DCDC1: variants seen among roughly 807,000 people sequenced by gnomAD.
DCDC1 encodes doublecortin domain containing 1.
DCDC1 carries 200 observed loss-of-function variants against 178.3 expected under a neutral mutation model. The observed-to-expected ratio is 1.12, with a 90% CI of 1.00 to 1.26. The LOEUF (loss-of-function observed/expected upper bound fraction) is 1.26, where lower values mean the gene tolerates loss of function less well. Ranked by LOEUF, DCDC1 falls within the 50% of genes most tolerant of loss-of-function variation. DCDC1 has a pLI of 0.00. For missense variants in DCDC1, 1,983 were observed against 1,749.2 expected, an observed-to-expected ratio of 1.13 and a Z score of -2.38; for synonymous variants, 690 against 604.8, an observed-to-expected ratio of 1.14 and a Z score of -2.07.
intron 9 of DCDC1, among the ~76,000 whole-genome samples, chr11:31,201,662 G>GAA (rs1042408549): frequency 1.8e-5 from 2 of 109,068 alleles, no homozygotes; most frequent in Non-Finnish European, 4.0e-5. Context: ...GGGAAGGAAA[G>GAA]AAAAAAAAAA....
intron 21 of DCDC1, among the ~76,000 whole-genome samples, chr11:30,946,136 A>G (rs1200675203): frequency 6.6e-6 from 1 of 152,108 alleles, no homozygotes; most frequent in East Asian, 1.9e-4. Context: ...GTCCATATGG[A>G]GGTACTTGTG....
chr11:31,224,130 C>G, intron 9 of DCDC1, among the ~76,000 whole-genome samples: 1 of 152,022 alleles, frequency 6.6e-6, no homozygotes, highest in East Asian at 1.9e-4. Flanking sequence ...ATTCTGAGGC[C>G]TCCCCAGACA....
chr11:31,338,016 T>C (rs1950357667), intron 1 of DCDC1, among the ~76,000 whole-genome samples: 1 of 152,136 alleles, frequency 6.6e-6, no homozygotes, highest in Non-Finnish European at 1.5e-5. Flanking sequence ...TGCAGATCTG[T>C]TCAGCACTCC....
At chr11:31,355,793 T>C (rs1372298013) in intron 1 of DCDC1, among the ~76,000 whole-genome samples, 1 of 152,080 alleles carries the variant, frequency 6.6e-6, no homozygotes, top group Non-Finnish European at 1.5e-5. Flanking sequence ...GGTCTCGAGC[T>C]CCCGACCTCA....
At chr11:30,993,315 C>A (rs908046316) in intron 20 of DCDC1, among the ~76,000 whole-genome samples, 1 of 151,840 alleles carries the variant, frequency 6.6e-6, no homozygotes, top group African/African-American at 2.4e-5. Context: ...TCAGAGATTG[C>A]CCGTGTTATA....
intron 20 of DCDC1, among the ~76,000 whole-genome samples, chr11:30,983,378 A>G (rs1950485828): frequency 1.3e-5 from 2 of 152,224 alleles, no homozygotes; most frequent in East Asian, 1.9e-4. Context: ...CAATATTGCG[A>G]AATGAAAAAT....
chr11:31,365,000 G>T (rs1951889439), intron 1 of DCDC1, among the ~76,000 whole-genome samples: 1 of 152,076 alleles, frequency 6.6e-6, no homozygotes, highest in Non-Finnish European at 1.5e-5. Context: ...CTACGTATTA[G>T]TATACCTGCA....
chr11:30,887,364 GC>G (rs1162195643), intron 36 of DCDC1, among the ~76,000 whole-genome samples: 1 of 152,168 alleles, frequency 6.6e-6, no homozygotes, highest in Admixed American at 6.5e-5. Context: ...TACTTGCGAT[GC>G]TGTGATGCTT....
intron 21 of DCDC1, among the ~76,000 whole-genome samples, chr11:30,933,214 CTTT>C (rs1008203521): frequency 1.3e-5 from 2 of 151,468 alleles, no homozygotes. Context: ...ATATGCTCAC[CTTT>C]TTTTTCTTTT....
intron 20 of DCDC1, among the ~76,000 whole-genome samples, chr11:31,001,889 A>G (rs1951600253): frequency 6.6e-6 from 1 of 152,236 alleles, no homozygotes; most frequent in African/African-American, 2.4e-5. Flanking sequence ...AATCAGCAAC[A>G]GTTCATCCAT....
At chr11:31,108,245 A>G (rs937862849) in intron 12 of DCDC1, among the ~76,000 whole-genome samples, 1 of 152,214 alleles carries the variant, frequency 6.6e-6, no homozygotes, top group Admixed American at 6.5e-5. Flanking sequence ...GAAAGGCATT[A>G]ATACTTCCCA....
At chr11:30,954,732 T>C (rs1948668095) in intron 20 of DCDC1, among the ~76,000 whole-genome samples, 1 of 152,184 alleles carries the variant, frequency 6.6e-6, no homozygotes, top group Non-Finnish European at 1.5e-5. Context: ...GAGCAGTGCA[T>C]CACCCATAAT....
chr11:30,984,854 C>T (rs565921051), intron 20 of DCDC1, among the ~76,000 whole-genome samples: 35 of 152,210 alleles, frequency 2.3e-4, no homozygotes, highest in African/African-American at 6.3e-4. Context: ...TTGGAAACAA[C>T]GGGAGAAGAG....
At chr11:31,355,928 C>G (rs905676107) in intron 1 of DCDC1, among the ~76,000 whole-genome samples, 1 of 152,060 alleles carries the variant, frequency 6.6e-6, no homozygotes, top group Non-Finnish European at 1.5e-5. Context: ...CAGGGATGCT[C>G]CCAGGCTAGT....
At chr11:31,204,160 G>A (rs471211) in intron 9 of DCDC1, among the ~76,000 whole-genome samples, 90,584 of 152,010 alleles carry the variant, frequency 0.6, 27,425 homozygotes, top group East Asian at 0.93. Context: ...TATGAGTACT[G>A]TGAGCCAACC....
At chr11:31,242,222 A>G (rs537942174) in intron 8 of DCDC1, among the ~76,000 whole-genome samples, 10 of 152,068 alleles carry the variant, frequency 6.6e-5, no homozygotes, top group African/African-American at 2.2e-4. Flanking sequence ...AATATGAAAC[A>G]GTCAAGGATT....
intron 7 of DCDC1, among the ~76,000 whole-genome samples, chr11:31,272,269 C>T (rs1440799889): frequency 6.6e-6 from 1 of 152,050 alleles, no homozygotes; most frequent in East Asian, 1.9e-4. Flanking sequence ...CAGGTCCCTC[C>T]CACAACATAT....
chr11:31,261,379 C>A (rs142714254), intron 8 of DCDC1, among the ~76,000 whole-genome samples: 1 of 152,038 alleles, frequency 6.6e-6, no homozygotes, highest in Non-Finnish European at 1.5e-5. Flanking sequence ...TTTTGGTGGG[C>A]GTGATTTTGC....
intron 9 of DCDC1, among the ~76,000 whole-genome samples, chr11:31,226,001 A>ACTGATAG (rs1268278336): frequency 6.6e-6 from 1 of 152,126 alleles, no homozygotes; most frequent in Non-Finnish European, 1.5e-5. Flanking sequence ...TAAGGAATGA[A>ACTGATAG]GAGAAATAAA....
Sources: gnomAD v4.1 joint callset for allele counts (sites outside exome capture counted in the v4.1 genomes callset) on GRCh38, gnomAD v4.1.1 for gene constraint, MANE v1.5 for transcripts, NCBI Gene and HGNC (gene_info 2026-07-23, HGNC 2026-07-21) for gene names.